GRM8: variants seen among roughly 807,000 people sequenced by gnomAD.
GRM8 encodes the protein metabotropic glutamate receptor 8.
GRM8 carries 47 observed loss-of-function variants against 87.2 expected under a neutral mutation model. The observed-to-expected ratio is 0.54, with a 90% CI of 0.43 to 0.69. The LOEUF is 0.69. Ranked by LOEUF, GRM8 falls within the 30% of genes least tolerant of loss-of-function variation. The pLI is 0.00. For missense variants in GRM8, 1,019 were observed against 1,139.2 expected (o/e 0.89, Z 1.52); for synonymous variants, 396 against 404.5 (o/e 0.98, Z 0.25).
chr7:127,163,222 C>G (rs1793228571), intron 2 of GRM8, among the ~76,000 whole-genome samples: 1 of 152,138 alleles, frequency 6.6e-6, no homozygotes. Context: ...TCTGGTGAGG[C>G]CTCAGGAAGC....
chr7:126,698,210 T>G (rs891326021), intron 7 of GRM8, among the ~76,000 whole-genome samples: 2 of 152,132 alleles, frequency 1.3e-5, no homozygotes, highest in Non-Finnish European at 2.9e-5. Context: ...GGTGAAACCC[T>G]CACAATTAAT....
At chr7:127,101,656 C>G (rs1468273526) in intron 3 of GRM8, among the ~76,000 whole-genome samples, 1 of 152,224 alleles carries the variant, frequency 6.6e-6, no homozygotes, top group Non-Finnish European at 1.5e-5. Context: ...GCTTCCTGTA[C>G]AGCCTGCAGA....
chr7:126,729,817 T>C (rs1813403452), intron 7 of GRM8, among the ~76,000 whole-genome samples: 1 of 152,128 alleles, frequency 6.6e-6, no homozygotes, highest in African/African-American at 2.4e-5. Flanking sequence ...AGTAAATGTC[T>C]CTCAAGTATT....
At chr7:126,657,068 A>G (rs1357844232) in intron 7 of GRM8, among the ~76,000 whole-genome samples, 1 of 152,216 alleles carries the variant, frequency 6.6e-6, no homozygotes, top group South Asian at 2.1e-4. Context: ...TTATTCTTCA[A>G]GAGAAATCCA....
At chr7:126,926,802 G>A (rs1805177334) in intron 3 of GRM8, among the ~76,000 whole-genome samples, 1 of 152,160 alleles carries the variant, frequency 6.6e-6, no homozygotes, top group Non-Finnish European at 1.5e-5. Context: ...CACTCCTCCA[G>A]GAGACCTTCC....
chr7:126,930,120 C>A (rs1272381835), intron 3 of GRM8, among the ~76,000 whole-genome samples: 1 of 152,164 alleles, frequency 6.6e-6, no homozygotes, highest in Admixed American at 6.5e-5. Flanking sequence ...AAAGCCCTTA[C>A]TGAGCTATAT....
chr7:126,818,740 C>T (rs1794014723), intron 6 of GRM8, among the ~76,000 whole-genome samples: 1 of 152,086 alleles, frequency 6.6e-6, no homozygotes, highest in Admixed American at 6.5e-5. Flanking sequence ...ATGCTAAATT[C>T]CAGCTATGTT....
chr7:127,124,382 A>G (rs1827248451), intron 2 of GRM8, among the ~76,000 whole-genome samples: 1 of 152,078 alleles, frequency 6.6e-6, no homozygotes, highest in Non-Finnish European at 1.5e-5. Context: ...TCTGGACAAT[A>G]TTTTCCTTGG....
intron 6 of GRM8, among the ~76,000 whole-genome samples, chr7:126,828,110 T>C (rs1209751229): frequency 2.0e-5 from 3 of 152,144 alleles, no homozygotes; most frequent in African/African-American, 7.2e-5. Flanking sequence ...TGGATTCGTT[T>C]TGCCAGTATT....
intron 7 of GRM8, among the ~76,000 whole-genome samples, chr7:126,666,684 A>G (rs545610706): frequency 1.3e-5 from 2 of 152,230 alleles, no homozygotes; most frequent in African/African-American, 4.8e-5. Flanking sequence ...TCTAACAGTG[A>G]TTTAAAAAAA....
intron 8 of GRM8, among the ~76,000 whole-genome samples, chr7:126,564,638 G>C (rs1794036187): frequency 6.6e-6 from 1 of 152,116 alleles, no homozygotes; most frequent in Non-Finnish European, 1.5e-5. Flanking sequence ...CTTAACTGCT[G>C]AATTACACCA....
chr7:126,818,923 T>C (rs1794029111), intron 6 of GRM8, among the ~76,000 whole-genome samples: 1 of 152,144 alleles, frequency 6.6e-6, no homozygotes, highest in African/African-American at 2.4e-5. Context: ...TATCAATCAA[T>C]TAGGGATTCC....
intron 3 of GRM8, among the ~76,000 whole-genome samples, chr7:127,008,909 T>C (rs893767240): frequency 6.6e-6 from 1 of 152,162 alleles, no homozygotes; most frequent in Admixed American, 6.6e-5. Context: ...GTGTAATAAA[T>C]CATTTATAAA....
chr7:127,072,623 C>A (rs1419446), intron 3 of GRM8, among the ~76,000 whole-genome samples: 43,019 of 147,172 alleles, frequency 0.29, 6,967 homozygotes, highest in African/African-American at 0.46. Context: ...ATGCTGAACC[C>A]TCATATTATA....
At chr7:126,905,632 CT>C in intron 3 of GRM8, among the ~76,000 whole-genome samples, 1 of 152,256 alleles carries the variant, frequency 6.6e-6, no homozygotes, top group Non-Finnish European at 1.5e-5. Context: ...AGTCATCCAA[CT>C]GTTATTGGAT....
chr7:126,949,103 T>C (rs1317811914), intron 3 of GRM8, among the ~76,000 whole-genome samples: 1 of 152,250 alleles, frequency 6.6e-6, no homozygotes, highest in Non-Finnish European at 1.5e-5. Context: ...AAAGAAATTA[T>C]GCAATTAATT....
intron 6 of GRM8, among the ~76,000 whole-genome samples, chr7:126,795,599 G>A (rs1324743364): frequency 6.6e-6 from 1 of 152,106 alleles, no homozygotes; most frequent in South Asian, 2.1e-4. Context: ...GAGGAGTCAT[G>A]AGTAACAACC....
intron 6 of GRM8, among the ~76,000 whole-genome samples, chr7:126,804,917 C>T (rs1207082247): frequency 3.9e-5 from 6 of 152,058 alleles, no homozygotes; most frequent in African/African-American, 9.7e-5. Context: ...GAAACTGCAC[C>T]CTCCCCTCCA....
At chr7:126,792,608 C>T (rs1821476265) in intron 6 of GRM8, among the ~76,000 whole-genome samples, 1 of 152,202 alleles carries the variant, frequency 6.6e-6, no homozygotes, top group Admixed American at 6.5e-5. Context: ...ACTACCACAG[C>T]CCTGCAATTC....
Sources: allele counts gnomAD v4.1 joint callset (sites outside exome capture counted in the v4.1 genomes callset), GRCh38; gene constraint gnomAD v4.1.1; transcripts MANE v1.5; gene names NCBI Gene and HGNC (gene_info 2026-07-23, HGNC 2026-07-21).